The following PPM1A variants were observed in gnomAD, a reference collection of about 807,000 sequenced individuals.
PPM1A encodes protein phosphatase 1A.
PPM1A carries 7 observed loss-of-function variants against 35.0 expected under a neutral mutation model. The observed-to-expected ratio is 0.20, with a 90% CI of 0.11 to 0.38. The LOEUF is 0.38. PPM1A is among the 10% of genes least tolerant of loss of function. The pLI is 1.00. For synonymous variants in PPM1A, 153 were observed against 167.3 expected (o/e 0.91, Z 0.66); for missense variants, 239 against 467.8 (o/e 0.51, Z 4.51).
In PPM1A at chr14:60,273,272, G is replaced by C. The variant is rs1206424008; in HGVS notation, c.-20-9412G>C. 6.6e-6 allele frequency among the ~76,000 whole-genome samples: 1 copy of C among 152,178 alleles called. No homozygotes were observed. The highest frequency in any genetic ancestry group is 1.5e-5 in the Non-Finnish European group (1 of 68,032). On this transcript the variant is annotated intron_variant, in intron 1 of 5. Transcript: ENST00000395076. The surrounding 1 kb of genome is among the most constrained non-coding windows in gnomAD (Gnocchi z 4.3). ...AGGCTCCTTTGAAGAATTGATGCTT[G>C]AGCTGAGATCTCAGGAATGAGTAGG...
At chr14:60,247,351 C>T (rs1358063925), upstream of PPM1A, among the ~76,000 whole-genome samples, 1 of 151,882 alleles carries the variant, frequency 6.6e-6, no homozygotes, top group Non-Finnish European at 1.5e-5. Context: ...GAATTCTGGC[C>T]GGGAACAGTG....
chr14:60,267,340 T>A (rs1445054043), intron 1 of PPM1A: 5 of 152,140 alleles, frequency 3.3e-5, no homozygotes, highest in African/African-American at 1.2e-4. Flanking sequence ...TTTCAGAATA[T>A]GATGAGATGA....
chr14:60,287,045 G>A, intron 3 of PPM1A: 1 of 941,026 alleles, frequency 1.1e-6, no homozygotes, highest in South Asian at 4.9e-5. Flanking sequence ...ATATGTATAG[G>A]GATAAGTTGA....
At position 60,283,350 on chromosome 14, in the gene PPM1A, C is replaced by T; in HGVS notation, c.647C>T (p.Ser216Leu). 6.2e-7 allele frequency: 1 copy of T among 1,614,188 alleles called. No homozygotes were observed. Among genetic ancestry groups the T allele is most frequent in the Non-Finnish European group, 8.5e-7 (1 of 1,180,032 alleles). Residue 216 changes from serine to leucine, a missense_variant, in exon 2 of 6, where the codon TCA (serine) becomes TTA (leucine). By Grantham distance (145) the Ser-to-Leu change is moderately radical. This residue lies in a region of PPM1A where 175 missense variants were observed against 389.2 expected (regional missense o/e 0.45). Transcript: ENST00000395076. The surrounding 1 kb of genome is among the most constrained non-coding windows in gnomAD (Gnocchi z 6.3). ...AAAGGTCCTACTGAGCAGCTTGTCT[C>T]ACCAGAGCCTGAAGTCCATGATATT... ...HGKGPTEQLV[S>L]PEPEVHDIER... is the part of the protein sequence containing the mutation.
upstream of PPM1A, chr14:60,246,145 T>G: frequency 1.8e-6 from 2 of 1,112,092 alleles, no homozygotes; most frequent in Non-Finnish European, 2.5e-6. Context: ...TGAGGGGTAT[T>G]CTCAAATACT....
At chr14:60,271,240 A>C (rs1885065497) in intron 1 of PPM1A, among the ~76,000 whole-genome samples, 1 of 151,918 alleles carries the variant, frequency 6.6e-6, no homozygotes, top group Non-Finnish European at 1.5e-5. Context: ...TCTTCCCCTG[A>C]CTCTCTATTC....
chr14:60,281,306 G>T (rs1319670325), intron 1 of PPM1A, among the ~76,000 whole-genome samples: 1 of 152,164 alleles, frequency 6.6e-6, no homozygotes, highest in African/African-American at 2.4e-5. Flanking sequence ...GGAGGCAGAG[G>T]AGTAGGCAGA....
At chr14:60,277,998 C>T (rs572871022) in intron 1 of PPM1A, among the ~76,000 whole-genome samples, 43 of 152,296 alleles carry the variant, frequency 2.8e-4, no homozygotes, top group African/African-American at 9.1e-4. Context: ...ATGACTTAAC[C>T]TCACCGTGGC....
chr14:60,288,554 A>G (rs1887279825), intron 3 of PPM1A: 1 of 982,352 alleles, frequency 1.0e-6, no homozygotes, highest in Non-Finnish European at 1.2e-6. Context: ...TGGCAAACCA[A>G]ATCTGAGATC....
At chr14:60,259,947 TAGA>T (rs1476693931) in intron 1 of PPM1A, among the ~76,000 whole-genome samples, 1 of 152,018 alleles carries the variant, frequency 6.6e-6, no homozygotes, top group Non-Finnish European at 1.5e-5. Context: ...ACAGCACAAC[TAGA>T]AGATGTTGAT....
intron 2 of PPM1A, among the ~76,000 whole-genome samples, chr14:60,285,162 A>G (rs970104063): frequency 6.6e-6 from 1 of 152,172 alleles, no homozygotes; most frequent in African/African-American, 2.4e-5. Context: ...CACAATTTAT[A>G]ATTTATTTTA....
In PPM1A at chr14:60,273,507, A is replaced by G. The variant is rs1357199070; in HGVS notation, c.-20-9177A>G. ...ACTTCCCAGGGCCTTCATGTGAGCC[A>G]TATTAAGCAGTTATTTATCCACCTC... On this transcript the variant is annotated intron_variant, in intron 1 of 5. Transcript: ENST00000395076. This position sits in a 1 kb window ranked among gnomAD's most constrained non-coding sequence, Gnocchi z 4.3. Among the ~76,000 whole-genome samples, 1 of 152,212 alleles carries G rather than the reference A, an allele frequency of 6.6e-6. No individual in the cohort carries two copies. Among genetic ancestry groups the G allele is most frequent in the African/African-American group, 2.4e-5 (1 of 41,456 alleles).
In PPM1A at chr14:60,292,635, C is replaced by A; in HGVS notation, c.*153C>A. 2.0e-6 allele frequency: 1 copy of A among 487,954 alleles called. No homozygotes were observed. The highest frequency in any genetic ancestry group is 4.9e-5 in the South Asian group (1 of 20,280). 30.2% of individuals were successfully genotyped at this position (487,954 alleles called of 1,614,324 possible). ...TCAGAGAACTTCAGCAGTACAACAG[C>A]TAGCCCAGAACTGATTTTTTTTTTT... is the stretch of plus-strand genomic sequence containing the variant. On this transcript the variant is annotated 3_prime_UTR_variant, in exon 6 of 6. Transcript: ENST00000395076. The surrounding 1 kb of genome is among the most constrained non-coding windows in gnomAD (Gnocchi z 4.2).
chr14:60,268,888 C>T (rs907595542), intron 1 of PPM1A, among the ~76,000 whole-genome samples: 2 of 150,752 alleles, frequency 1.3e-5, no homozygotes, highest in African/African-American at 4.9e-5. Flanking sequence ...TACACATTAT[C>T]AATATCTACT....
Position 60,264,405 on chromosome 14 carries a change from T to C in PPM1A, c.-21+14728T>C, listed in dbSNP as rs183903156. ...TACTTACTGTGTGACCTTGGGCAAG[T>C]TCAAAATGGATATAAAATTGTATCT... On this transcript the variant is annotated intron_variant, in intron 1 of 5. Coordinates refer to ENST00000395076, the MANE Select transcript of PPM1A (RefSeq NM_021003.5). Among the ~76,000 whole-genome samples, 89 of 152,262 alleles carry C rather than the reference T, an allele frequency of 5.8e-4. No individual in the cohort carries two copies. In the South Asian group the frequency reaches 8.1e-3, roughly 14 times the overall value.
intron 3 of PPM1A, chr14:60,286,124 A>G (rs1300598230): frequency 1.1e-5 from 11 of 987,586 alleles, no homozygotes; most frequent in African/African-American, 1.7e-5. Context: ...CCATCTTTCT[A>G]TGAAAAGCTG....
At chr14:60,287,940 A>T in intron 3 of PPM1A, 1 of 985,284 alleles carries the variant, frequency 1.0e-6, no homozygotes, top group African/African-American at 1.7e-5. Flanking sequence ...GTGTTTGTGT[A>T]TATGTATGTG....
intron 1 of PPM1A, among the ~76,000 whole-genome samples, chr14:60,272,807 T>C (rs1045176176): frequency 1.3e-5 from 2 of 152,146 alleles, no homozygotes; most frequent in Non-Finnish European, 2.9e-5. Flanking sequence ...TCATGAACCT[T>C]TACTCTTAGA....
chr14:60,285,802 CT>C (rs759705473), intron 3 of PPM1A, 61 bp downstream of exon 3: 1 of 1,586,932 alleles, frequency 6.3e-7, no homozygotes, highest in South Asian at 1.2e-5. Context: ...CACAATCAAA[CT>C]TTAACATTTT....
Sources: gnomAD v4.1 joint callset for allele counts (sites outside exome capture counted in the v4.1 genomes callset) on GRCh38, gnomAD v4.1.1 for gene constraint, gnomAD v4.1.1 regional missense constraint, Gnocchi (gnomAD v3.1) non-coding constraint, MANE v1.5 for transcripts, NCBI Gene and HGNC (gene_info 2026-07-23, HGNC 2026-07-21) for gene names.